Variants in DLGAP1 observed in about 807,000 individuals in gnomAD.
The protein encoded by DLGAP1 is DLG associated protein 1.
DLGAP1 carries 11 observed loss-of-function variants against 90.8 expected under a neutral mutation model. The observed-to-expected ratio is 0.12, with a 90% CI of 0.08 to 0.20. The LOEUF (loss-of-function observed/expected upper bound fraction) is 0.20. DLGAP1 is among the 10% of genes least tolerant of loss of function. The probability of loss-of-function intolerance (pLI) is 1.00; values close to 1 mark genes in which losing one functional copy is unlikely to be tolerated. For missense variants in DLGAP1, 1,050 were observed against 1,333.8 expected (o/e 0.79, Z 3.31); for synonymous variants, 558 against 540.7 (o/e 1.03, Z -0.44).
At chr18:3,847,445 A>G (rs1408171845) in intron 4 of DLGAP1, among the ~76,000 whole-genome samples, 1 of 152,098 alleles carries the variant, frequency 6.6e-6, no homozygotes, top group Non-Finnish European at 1.5e-5. Flanking sequence ...CAAATCTGCA[A>G]GAGTAAGAGC....
At chr18:4,014,305 G>A (rs1174024874) in intron 2 of DLGAP1, among the ~76,000 whole-genome samples, 1 of 151,948 alleles carries the variant, frequency 6.6e-6, no homozygotes, top group Non-Finnish European at 1.5e-5. Flanking sequence ...AGATGGTCTC[G>A]ATCTCTTGAC....
chr18:3,710,650 T>C (rs1330926726), intron 7 of DLGAP1, among the ~76,000 whole-genome samples: 1 of 152,266 alleles, frequency 6.6e-6, no homozygotes, highest in Non-Finnish European at 1.5e-5. Context: ...GAAAAATTTT[T>C]TGGCTGGAAT....
At chr18:3,543,740 TTGAC>T (rs886855944) in intron 9 of DLGAP1, among the ~76,000 whole-genome samples, 1 of 152,176 alleles carries the variant, frequency 6.6e-6, no homozygotes, top group Non-Finnish European at 1.5e-5. Flanking sequence ...AATGGGGCCT[TTGAC>T]TGACTGGAGC....
At chr18:4,317,265 C>T (rs550438936) in intron 1 of DLGAP1, among the ~76,000 whole-genome samples, 4 of 152,270 alleles carry the variant, frequency 2.6e-5, no homozygotes, top group African/African-American at 4.8e-5. Flanking sequence ...ATCCTTGTTA[C>T]TGACACATTC....
rs1214808074 is a variant in DLGAP1, at chr18:3,497,385, G to T, written c.*1800C>A. The T allele has an allele frequency of 6.6e-6, 1 of 152,124 alleles. No homozygotes were observed. The highest frequency in any genetic ancestry group is 1.5e-5 in the Non-Finnish European group (1 of 68,030). The allele number at this position is 152,124 out of a possible 1,614,324, so 9.4% of individuals were successfully genotyped here. ...AAAATAAGTGAGTAGCCCTTTTCTT[G>T]TAAACCACAGCAGTAAACATTTGTG... On this transcript the variant is annotated 3_prime_UTR_variant, in exon 13 of 13. Coordinates refer to ENST00000315677, the MANE Select transcript of DLGAP1 (RefSeq NM_004746.4).
intron 2 of DLGAP1, among the ~76,000 whole-genome samples, chr18:4,113,079 C>CAT (rs34488875): frequency 0.49 from 74,986 of 151,774 alleles, 19,611 homozygotes; most frequent in African/African-American, 0.68. Context: ...CATATGAACA[C>CAT]GTGTCTTTTT....
At chr18:3,788,536 C>T (rs1322672583) in intron 5 of DLGAP1, among the ~76,000 whole-genome samples, 3 of 151,948 alleles carry the variant, frequency 2.0e-5, no homozygotes, top group Non-Finnish European at 4.4e-5. Flanking sequence ...ACCTTTTTTT[C>T]TGAGGATTAC....
chr18:3,646,322 G>A (rs116913482), intron 7 of DLGAP1, among the ~76,000 whole-genome samples: 2,644 of 152,044 alleles, frequency 0.017, 31 homozygotes, highest in Non-Finnish European at 0.028. Flanking sequence ...AAGCCCAGGA[G>A]GTCAAGGCTA....
At chr18:4,382,857 G>C (rs1567877117) in intron 1 of DLGAP1, among the ~76,000 whole-genome samples, 1 of 152,128 alleles carries the variant, frequency 6.6e-6, no homozygotes, top group Non-Finnish European at 1.5e-5. Context: ...TCCTGAAGTT[G>C]TTTAAATCAA....
intron 7 of DLGAP1, chr18:3,596,861 C>T: frequency 1.9e-6 from 1 of 520,022 alleles, no homozygotes; most frequent in Non-Finnish European, 3.8e-6. Context: ...CACCAGAGCC[C>T]CCTCGTGTTT....
intron 8 of DLGAP1, among the ~76,000 whole-genome samples, 168 bp from the exon 9 acceptor site, chr18:3,567,749 T>C (rs1006201435): frequency 6.6e-6 from 1 of 152,188 alleles, no homozygotes; most frequent in Non-Finnish European, 1.5e-5. Flanking sequence ...GCTCTTTGAC[T>C]CTGTTGCTGT....
At chr18:4,317,895 G>T (rs1366740950) in intron 1 of DLGAP1, among the ~76,000 whole-genome samples, 3 of 152,202 alleles carry the variant, frequency 2.0e-5, no homozygotes, top group Non-Finnish European at 2.9e-5. Flanking sequence ...CGGCCAGAAT[G>T]TGAGTGCAGT....
intron 1 of DLGAP1, among the ~76,000 whole-genome samples, chr18:4,397,259 C>G (rs2082460565): frequency 6.6e-6 from 1 of 152,198 alleles, no homozygotes. Context: ...ACAACCATGA[C>G]TTAACTATGT....
intron 1 of DLGAP1, among the ~76,000 whole-genome samples, chr18:4,445,094 C>T (rs1003833193): frequency 6.6e-5 from 10 of 152,112 alleles, no homozygotes; most frequent in African/African-American, 1.4e-4. Flanking sequence ...TTCATAAATT[C>T]GAGTTTAATA....
intron 2 of DLGAP1, among the ~76,000 whole-genome samples, chr18:4,039,362 C>T (rs1426656378): frequency 2.0e-5 from 3 of 152,128 alleles, no homozygotes; most frequent in African/African-American, 4.8e-5. Context: ...AGTACAGCTG[C>T]CATCCATCTC....
chr18:4,015,787 C>T (rs2074512639), intron 2 of DLGAP1, among the ~76,000 whole-genome samples: 1 of 152,120 alleles, frequency 6.6e-6, no homozygotes, highest in Non-Finnish European at 1.5e-5. Context: ...AGCTTAATGT[C>T]AACAATTGCA....
chr18:4,175,393 T>A (rs1204936972), intron 1 of DLGAP1, among the ~76,000 whole-genome samples: 1 of 152,236 alleles, frequency 6.6e-6, no homozygotes, highest in African/African-American at 2.4e-5. Flanking sequence ...TGATAATTTC[T>A]TTTGCTGTGC....
At chr18:3,789,584 G>A (rs896374403) in intron 5 of DLGAP1, among the ~76,000 whole-genome samples, 4 of 151,990 alleles carry the variant, frequency 2.6e-5, no homozygotes, top group African/African-American at 9.7e-5. Flanking sequence ...ATGAAGGAAG[G>A]GGACCCCCAA....
chr18:4,374,914 G>T (rs1474003406), intron 1 of DLGAP1, among the ~76,000 whole-genome samples: 1 of 151,856 alleles, frequency 6.6e-6, no homozygotes, highest in Non-Finnish European at 1.5e-5. Context: ...TGGAAATAAA[G>T]AAAAGGAAAT....
Sources: gnomAD v4.1 joint callset for allele counts (sites outside exome capture counted in the v4.1 genomes callset) on GRCh38, gnomAD v4.1.1 for gene constraint, MANE v1.5 for transcripts, NCBI Gene and HGNC (gene_info 2026-07-23, HGNC 2026-07-21) for gene names.